The following PRSS21 variants were observed in gnomAD, a reference collection of about 807,000 sequenced individuals.
PRSS21 encodes testisin.
Under a neutral mutation model 31.1 loss-of-function variants are expected in PRSS21, and 40 were observed. That is an observed-to-expected ratio of 1.29 (90% CI 1.00 to 1.68). The LOEUF is 1.68. Among genes scored for constraint, PRSS21 ranks in the 40% most tolerant of loss-of-function variants. The probability of loss-of-function intolerance (pLI) is 0.00; values close to 1 mark genes in which losing one functional copy is unlikely to be tolerated. For synonymous variants in PRSS21, 186 were observed against 167.7 expected (o/e 1.11, Z -0.84); for missense variants, 467 against 412.6 (o/e 1.13, Z -1.14).
chr16:2,818,260 C>T (rs2069113561), intron 3 of PRSS21, among the ~76,000 whole-genome samples: 1 of 152,226 alleles, frequency 6.6e-6, no homozygotes, highest in African/African-American at 2.4e-5. Context: ...AAGTTCACCA[C>T]TGACCATCCC....
rs975281415 is a variant in PRSS21, at chr16:2,817,988, G to C, written c.257+22G>C. The stretch of plus-strand genomic sequence containing the variant: ...AAACGTGAGTGGGGGTGCGAACGGA[G>C]GGGTGCGGGGACGGGCAGGAACAGG... On this transcript the variant is annotated intron_variant, in intron 3 of 5. Coordinates refer to ENST00000005995, the MANE Select transcript of PRSS21 (RefSeq NM_006799.4). The surrounding 1 kb of genome is among the most constrained non-coding windows in gnomAD (Gnocchi z 4.2). 3 of 1,541,568 alleles carry C rather than the reference G, an allele frequency of 1.9e-6. No homozygotes were observed. The highest frequency in any genetic ancestry group is 1.2e-5 in the South Asian group (1 of 83,844).
In PRSS21 at chr16:2,817,520, G is replaced by T; in HGVS notation, c.91+64G>T. ...TGGGCCGAGGTGGACGGGGGGCGGT[G>T]AGGGGGTAGAGGGGGGCCTTTACTG... On this transcript the variant is annotated intron_variant, in intron 2 of 5. Coordinates refer to ENST00000005995, the MANE Select transcript of PRSS21 (RefSeq NM_006799.4). This position sits in a 1 kb window ranked among gnomAD's most constrained non-coding sequence, Gnocchi z 4.2. The T allele has an allele frequency of 2.9e-6, 3 of 1,046,052 alleles. No individual in the cohort carries two copies. The highest frequency in any genetic ancestry group is 3.9e-6 in the Non-Finnish European group (3 of 760,206). The allele number at this position is 1,046,052 out of a possible 1,614,324, so 64.8% of individuals were successfully genotyped here. A position where few individuals can be genotyped will look rare whatever the true frequency, so the allele number is the denominator to read the frequency against.
chr16:2,817,285 C>T lies in PRSS21; in HGVS notation c.17C>T (p.Ala6Val), dbSNP rs1394318448. The change falls in exon 1 of 6, where the codon GCG (alanine) becomes GTG (valine). Residue 6 changes from alanine to valine, a missense_variant. Coordinates refer to ENST00000005995, the MANE Select transcript of PRSS21 (RefSeq NM_006799.4). This position sits in a 1 kb window ranked among gnomAD's most constrained non-coding sequence, Gnocchi z 4.2. ...GAGGAGGCCATGGGCGCGCGCGGGG[C>T]GCTGCTGCTGGCGCTGCTGCTGGCT... MGARG[A>V]LLLALLLARA... The T allele has an allele frequency of 2.0e-6, 3 of 1,536,106 alleles. No individual in the cohort carries two copies. The highest frequency in any genetic ancestry group is 2.5e-5 in the East Asian group (1 of 40,730).
chr16:2,817,685 G>A lies in PRSS21; in HGVS notation c.92-116G>A. 1 of 1,386,674 alleles carries A rather than the reference G, an allele frequency of 7.2e-7. No individual in the cohort carries two copies. Among genetic ancestry groups the A allele is most frequent in the African/African-American group, 1.4e-5 (1 of 70,206 alleles). 85.9% of individuals were successfully genotyped at this position (1,386,674 alleles called of 1,614,324 possible). A position where few individuals can be genotyped will look rare whatever the true frequency, so the allele number is the denominator to read the frequency against. On this transcript the variant is annotated intron_variant, in intron 2 of 5. Transcript: ENST00000005995. This position sits in a 1 kb window ranked among gnomAD's most constrained non-coding sequence, Gnocchi z 4.2. ...CCTACTTCCTGCTGCACACACGCGA[G>A]GGGACCCTGGGTGGGCAAAAACGTG...
In PRSS21 at chr16:2,821,411, T is replaced by G. The variant is rs762582868; in HGVS notation, c.751T>G (p.Tyr251Asp). 1 of 1,614,144 alleles carries G rather than the reference T, an allele frequency of 6.2e-7. No individual in the cohort carries two copies. Among genetic ancestry groups the G allele is most frequent in the South Asian group, 1.1e-5 (1 of 91,080 alleles). ...GGCCTGTAACAAGAATGGACTGTGGTATCAGATTGGAGTCGTGAGCTGGGG... is the reference window on the plus strand; with the variant it reads ...GGCCTGTAACAAGAATGGACTGTGGGATCAGATTGGAGTCGTGAGCTGGGG... ...PLACNKNGLW[Y>D]QIGVVSWGVG... The change falls in exon 6 of 6, where the codon TAT (tyrosine) becomes GAT (aspartate). Residue 251 changes from tyrosine to aspartate, a missense_variant. Coordinates refer to ENST00000005995, the MANE Select transcript of PRSS21 (RefSeq NM_006799.4).
Position 2,817,470 on chromosome 16 carries a change from G to A in PRSS21, c.91+14G>A. ...CGCCGTTATCAGGTAGGGCGCCCAG[G>A]ACGCGCGATTCCTGCCAGGGCCGTT... is the stretch of plus-strand genomic sequence containing the variant. On this transcript the variant is annotated intron_variant, in intron 2 of 5. Transcript: ENST00000005995. This position sits in a 1 kb window ranked among gnomAD's most constrained non-coding sequence, Gnocchi z 4.2. 1 of 1,568,194 alleles carries A rather than the reference G, an allele frequency of 6.4e-7. No individual in the cohort carries two copies. The highest frequency in any genetic ancestry group is 8.6e-7 in the Non-Finnish European group (1 of 1,163,826).
rs1183708144 is a variant in PRSS21, at chr16:2,817,820, C to T, written c.111C>T (p.Val37=). 1 of 1,550,634 alleles carries T rather than the reference C, an allele frequency of 6.4e-7. No individual in the cohort carries two copies. Among genetic ancestry groups the T allele is most frequent in the African/African-American group, 1.4e-5 (1 of 73,236 alleles). ...APLSGPCGRR[V]ITSRIVGGED... is the part of the protein sequence containing the mutation. ...TCCGAGGACCATGCGGCCGACGGGT[C>T]ATCACGTCGCGCATCGTGGGTGGAG... The change falls in exon 3 of 6, where the codon GTC becomes GTT. Residue 37 remains valine (V), a synonymous_variant. Coordinates refer to ENST00000005995, the MANE Select transcript of PRSS21 (RefSeq NM_006799.4). The surrounding 1 kb of genome is among the most constrained non-coding windows in gnomAD (Gnocchi z 4.2).
chr16:2,821,358 C>A lies in PRSS21; in HGVS notation c.706-8C>A. 2.5e-6 allele frequency: 4 copies of A among 1,613,880 alleles called. No individual in the cohort carries two copies. Among genetic ancestry groups the A allele is most frequent in the Non-Finnish European group, 3.4e-6 (4 of 1,179,786 alleles). The stretch of plus-strand genomic sequence containing the variant: ...CCCCAGGCTGACCTCAGCCCCGCTG[C>A]TCCCCAGGGTGACTCAGGTGGACCC... On this transcript the variant is annotated splice_polypyrimidine_tract_variant and splice_region_variant and intron_variant, in intron 5 of 5. Transcript: ENST00000005995.
In PRSS21 at chr16:2,817,724, G is replaced by A. The variant is rs991545143; in HGVS notation, c.92-77G>A. 27 of 1,508,002 alleles carry A rather than the reference G, an allele frequency of 1.8e-5. No individual in the cohort carries two copies. The highest frequency in any genetic ancestry group is 3.4e-4 in the Middle Eastern group (2 of 5,878). 93.4% of individuals were successfully genotyped at this position (1,508,002 alleles called of 1,614,324 possible). On this transcript the variant is annotated intron_variant, in intron 2 of 5. Transcript: ENST00000005995. This position sits in a 1 kb window ranked among gnomAD's most constrained non-coding sequence, Gnocchi z 4.2. The stretch of plus-strand genomic sequence containing the variant: ...GGCAAAAACGTGCTTTCCCGGACGG[G>A]GTTGAAGGGGAGAAAGGGAGAGGTC...
chr16:2,819,794 G>A (rs761416161), intron 4 of PRSS21, among the ~76,000 whole-genome samples: 24 of 152,186 alleles, frequency 1.6e-4, no homozygotes, highest in Admixed American at 3.9e-4. Flanking sequence ...AAACTGAGAG[G>A]GTTATGGAAA....
rs2069098053 is a variant in PRSS21 at position 2,817,593 on chromosome 16, G to A, written c.91+137G>A. On this transcript the variant is annotated intron_variant, in intron 2 of 5. Transcript: ENST00000005995. The surrounding 1 kb of genome is among the most constrained non-coding windows in gnomAD (Gnocchi z 4.2). Reference sequence around the variant, plus strand: ...ATCGAGAACTCTGTTGGCGTGGAAAGTAACTAACGGACGCTGGAGGGGGAT... The same window carrying A: ...ATCGAGAACTCTGTTGGCGTGGAAAATAACTAACGGACGCTGGAGGGGGAT... 1 of 1,370,200 alleles carries A rather than the reference G, an allele frequency of 7.3e-7. No individual in the cohort carries two copies. Among genetic ancestry groups the A allele is most frequent in the Non-Finnish European group, 9.7e-7 (1 of 1,027,158 alleles). The allele number at this position is 1,370,200 out of a possible 1,614,324, so 84.9% of individuals were successfully genotyped here.
chr16:2,818,595 C>A, intron 3 of PRSS21, 82 bp from the exon 4 acceptor site: 3 of 1,391,300 alleles, frequency 2.2e-6, no homozygotes, highest in Non-Finnish European at 3.0e-6. Flanking sequence ...CCACAGTTTC[C>A]CCTCCTGCAC....
At chr16:2,818,643 C>G in intron 3 of PRSS21, 34 bp from the exon 4 acceptor site, 1 of 1,601,268 alleles carries the variant, frequency 6.2e-7, no homozygotes, top group Non-Finnish European at 8.5e-7. Context: ...GCCCTCCATC[C>G]AGGGCCCCTG....
Position 2,817,582 on chromosome 16 carries a change from T to TG in PRSS21, c.91+128dup. On this transcript the variant is annotated intron_variant, in intron 2 of 5. Transcript: ENST00000005995. This position sits in a 1 kb window ranked among gnomAD's most constrained non-coding sequence, Gnocchi z 4.2. ...CCGCCCCCGGGATCGAGAACTCTGT[T>TG]GGCGTGGAAAGTAACTAACGGACGC... 2 of 1,406,676 alleles carry TG rather than the reference T, an allele frequency of 1.4e-6. No individual in the cohort carries two copies. The highest frequency in any genetic ancestry group is 2.8e-5 in the South Asian group (2 of 71,652). 87.1% of individuals were successfully genotyped at this position (1,406,676 alleles called of 1,614,324 possible). A position where few individuals can be genotyped will look rare whatever the true frequency, so the allele number is the denominator to read the frequency against.
At chr16:2,820,857 G>A in intron 4 of PRSS21, 98 bp from the exon 5 acceptor site, 1 of 1,292,428 alleles carries the variant, frequency 7.7e-7, no homozygotes, top group South Asian at 1.3e-5. Flanking sequence ...GCCAGGCACA[G>A]TGGGTGCCCC....
rs776460569 is a variant in PRSS21 at position 2,818,856 on chromosome 16, C to T, written c.437C>T (p.Pro146Leu). Residue 146 changes from proline to leucine, a missense_variant, in exon 4 of 6, where the codon CCT (proline) becomes CTT (leucine). By Grantham distance (98) the Pro-to-Leu change is moderately conservative. Coordinates refer to ENST00000005995, the MANE Select transcript of PRSS21 (RefSeq NM_006799.4). ...YDIALVKLSAPVTYTKHIQPI... is the reference protein window; with the variant it reads ...YDIALVKLSALVTYTKHIQPI... Reference sequence around the variant, plus strand: ...ATTGCCTTGGTGAAGCTGTCTGCACCTGTCACCTACACTAAACACATCCAG... The same window carrying T: ...ATTGCCTTGGTGAAGCTGTCTGCACTTGTCACCTACACTAAACACATCCAG... 2.5e-6 allele frequency: 4 copies of T among 1,614,030 alleles called. No homozygotes were observed. Among genetic ancestry groups the T allele is most frequent in the Admixed American group, 1.7e-5 (1 of 60,030 alleles).
rs768556213 is a variant in PRSS21, at chr16:2,817,489, G to A, written c.91+33G>A. On this transcript the variant is annotated intron_variant, in intron 2 of 5. Transcript: ENST00000005995. The surrounding 1 kb of genome is among the most constrained non-coding windows in gnomAD (Gnocchi z 4.2). ...GCCCAGGACGCGCGATTCCTGCCAGGGCCGTTGGGCCGAGGTGGACGGGGG... is the reference window on the plus strand; with the variant it reads ...GCCCAGGACGCGCGATTCCTGCCAGAGCCGTTGGGCCGAGGTGGACGGGGG... 2 of 1,556,160 alleles carry A rather than the reference G, an allele frequency of 1.3e-6. No individual in the cohort carries two copies. The highest frequency in any genetic ancestry group is 1.7e-6 in the Non-Finnish European group (2 of 1,158,334).
rs1326293366 is a variant in PRSS21, at chr16:2,817,614, G to A, written c.91+158G>A. ...GAAAGTAACTAACGGACGCTGGAGG[G>A]GGATGGGCGGGCCCTGCAGAGCACG... On this transcript the variant is annotated intron_variant, in intron 2 of 5. Transcript: ENST00000005995. The surrounding 1 kb of genome is among the most constrained non-coding windows in gnomAD (Gnocchi z 4.2). 3.1e-6 allele frequency: 4 copies of A among 1,290,472 alleles called. No individual in the cohort carries two copies. Among genetic ancestry groups the A allele is most frequent in the South Asian group, 1.5e-5 (1 of 68,748 alleles). 79.9% of individuals were successfully genotyped at this position (1,290,472 alleles called of 1,614,324 possible). A position where few individuals can be genotyped will look rare whatever the true frequency, so the allele number is the denominator to read the frequency against.
In PRSS21 at chr16:2,818,000, C is replaced by A. The variant is rs1184283246; in HGVS notation, c.257+34C>A. 2 of 1,532,836 alleles carry A rather than the reference C, an allele frequency of 1.3e-6. No homozygotes were observed. The highest frequency in any genetic ancestry group is 1.8e-6 in the Non-Finnish European group (2 of 1,138,796). The allele number at this position is 1,532,836 out of a possible 1,614,324, so 95.0% of individuals were successfully genotyped here. ...GGGTGCGAACGGAGGGGTGCGGGGA[C>A]GGGCAGGAACAGGGCTGGAGGGAGT... On this transcript the variant is annotated intron_variant, in intron 3 of 5. Coordinates refer to ENST00000005995, the MANE Select transcript of PRSS21 (RefSeq NM_006799.4). This position sits in a 1 kb window ranked among gnomAD's most constrained non-coding sequence, Gnocchi z 4.2.
Sources: allele counts gnomAD v4.1 joint callset (sites outside exome capture counted in the v4.1 genomes callset), GRCh38; gene constraint gnomAD v4.1.1; non-coding constraint Gnocchi (gnomAD v3.1); transcripts MANE v1.5; gene names NCBI Gene and HGNC (gene_info 2026-07-23, HGNC 2026-07-21).